The following UBASH3A variants were observed in gnomAD, a reference collection of about 807,000 sequenced individuals.
The protein encoded by UBASH3A is ubiquitin-associated and SH3 domain-containing protein A.
Under a neutral mutation model 73.5 loss-of-function variants are expected in UBASH3A, and 63 were observed. That is an observed-to-expected ratio of 0.86 (90% CI 0.70 to 1.06). The LOEUF (loss-of-function observed/expected upper bound fraction) is 1.06. Ranked by LOEUF, UBASH3A falls within the 50% of genes least tolerant of loss-of-function variation. UBASH3A has a pLI of 0.00. For missense variants in UBASH3A, 860 were observed against 859.0 expected (o/e 1.00, Z -0.02); for synonymous variants, 363 against 351.1 (o/e 1.03, Z -0.38).
intron 3 of UBASH3A, chr21:42,410,143 A>G: frequency 1.4e-6 from 1 of 702,336 alleles, no homozygotes. Context: ...CAGAAAAAAA[A>G]TGGCCCAGTG....
At chr21:42,425,069 T>C (rs1013909758) in intron 7 of UBASH3A, among the ~76,000 whole-genome samples, 10 of 152,152 alleles carry the variant, frequency 6.6e-5, no homozygotes, top group African/African-American at 2.4e-4. Flanking sequence ...GGGACTTTGT[T>C]ATGGCCGCCC....
rs186191509 is a variant in UBASH3A at position 42,405,242 on chromosome 21, G to A, written c.114-1066G>A. Among the ~76,000 whole-genome samples the A allele has an allele frequency of 3.5e-4, 54 of 152,220 alleles. 1 individual carries two copies. The East Asian group carries it at 8.1e-3, about 23-fold the overall frequency. ...GAGTGGGGTCAGGCATGTGCAGGGC[G>A]GCCACCGGGCACCGTCCAGGCATTA... On this transcript the variant is annotated intron_variant, in intron 1 of 14. Transcript: ENST00000319294.
chr21:42,436,821 T>TG (rs11408489), intron 10 of UBASH3A, among the ~76,000 whole-genome samples: 17,642 of 152,234 alleles, frequency 0.12, 1,126 homozygotes, highest in East Asian at 0.19. Flanking sequence ...CGAGCTTCAG[T>TG]GGGTCTTGAG....
intron 2 of UBASH3A, among the ~76,000 whole-genome samples, chr21:42,408,669 T>C (rs1330221482): frequency 6.6e-6 from 1 of 152,168 alleles, no homozygotes; most frequent in East Asian, 1.9e-4. Flanking sequence ...GTCTCGGAGC[T>C]ATTTTATTTC....
In UBASH3A at chr21:42,418,628, T is replaced by C. The variant is rs1437217453; in HGVS notation, c.1046+19T>C. On this transcript the variant is annotated intron_variant, in intron 7 of 14. Transcript: ENST00000319294. ...AGCACAGGTGAGTGCTGCCTCTGGC[T>C]GCAGCCCCGTCATCTCTCTCTGAGT... The C allele has an allele frequency of 6.2e-7, 1 of 1,603,142 alleles. No individual in the cohort carries two copies. Among genetic ancestry groups the C allele is most frequent in the Admixed American group, 1.7e-5 (1 of 59,068 alleles).
chr21:42,407,672 C>T (rs1343980925), intron 2 of UBASH3A, among the ~76,000 whole-genome samples: 1 of 152,232 alleles, frequency 6.6e-6, no homozygotes, highest in Admixed American at 6.5e-5. Flanking sequence ...TCACACGTCA[C>T]TGGTGTCACT....
intron 8 of UBASH3A, among the ~76,000 whole-genome samples, chr21:42,427,835 C>A (rs2053464386): frequency 6.6e-6 from 1 of 152,224 alleles, no homozygotes; most frequent in Non-Finnish European, 1.5e-5. Flanking sequence ...CAAAGGAAGG[C>A]TCTGCCGGGA....
Position 42,408,885 on chromosome 21 carries a change from A to AAATAATATAAAAT in UBASH3A, c.168-532_168-531insTATAAAATAATAA, listed in dbSNP as rs1334974035. The stretch of plus-strand genomic sequence containing the variant: ...GTGACAGAGAAAGACTCCATCTCAA[A>AAATAATATAAAAT]AATAAAATAAAATAAAATAAAATAA... On this transcript the variant is annotated intron_variant, in intron 2 of 14. Transcript: ENST00000319294. 3.4e-3 allele frequency among the ~76,000 whole-genome samples: 152 copies of AAATAATATAAAAT among 45,246 alleles called. 1 individual carries two copies. Among genetic ancestry groups the AAATAATATAAAAT allele is most frequent in the African/African-American group, 9.1e-3 (129 of 14,164 alleles). The allele number at this position is 45,246 out of a possible 152,430, so 29.7% of individuals were successfully genotyped here. A position where few individuals can be genotyped will look rare whatever the true frequency, so the allele number is the denominator to read the frequency against.
intron 7 of UBASH3A, among the ~76,000 whole-genome samples, chr21:42,421,252 T>C (rs2053332997): frequency 6.6e-6 from 1 of 152,172 alleles, no homozygotes; most frequent in Admixed American, 6.5e-5. Flanking sequence ...GTGTCAAGAC[T>C]GATGGTTGGA....
chr21:42,405,599 G>A (rs117372134), intron 1 of UBASH3A, among the ~76,000 whole-genome samples: 12 of 152,322 alleles, frequency 7.9e-5, no homozygotes, highest in East Asian at 7.7e-4. Flanking sequence ...AGCAGCATTC[G>A]GCATCATGTG....
At chr21:42,407,719 A>G (rs746850771) in intron 2 of UBASH3A, among the ~76,000 whole-genome samples, 17 of 152,248 alleles carry the variant, frequency 1.1e-4, no homozygotes, top group Non-Finnish European at 2.2e-4. Context: ...AACCTTGGCA[A>G]TATGCACAGC....
At position 42,424,860 on chromosome 21, in the gene UBASH3A, T is replaced by C. The variant is rs369002231; in HGVS notation, c.1047-1837T>C. 2.0e-5 allele frequency among the ~76,000 whole-genome samples: 3 copies of C among 152,256 alleles called. 1 individual carries two copies. The highest frequency in any genetic ancestry group is 1.9e-4 in the East Asian group (1 of 5,178). On this transcript the variant is annotated intron_variant, in intron 7 of 14. Coordinates refer to ENST00000319294, the MANE Select transcript of UBASH3A (RefSeq NM_018961.4). ...TTAGAGTGGGCCCTGATCCAATATGTCTGGTGTCCTTATAAGAAGAAATGA... is the reference window on the plus strand; with the variant it reads ...TTAGAGTGGGCCCTGATCCAATATGCCTGGTGTCCTTATAAGAAGAAATGA...
intron 1 of UBASH3A, among the ~76,000 whole-genome samples, chr21:42,405,422 C>T (rs1434005052): frequency 1.3e-5 from 2 of 152,154 alleles, no homozygotes; most frequent in Non-Finnish European, 2.9e-5. Flanking sequence ...ATAGCATGGA[C>T]TTCTACTCAA....
chr21:42,415,258 A>G (rs1356746037), intron 5 of UBASH3A, among the ~76,000 whole-genome samples: 1 of 152,252 alleles, frequency 6.6e-6, no homozygotes, highest in East Asian at 1.9e-4. Context: ...CCCAGGCCAC[A>G]CTCACTCGCA....
Position 42,416,621 on chromosome 21 carries a change from C to T in UBASH3A, c.837+10C>T. On this transcript the variant is annotated intron_variant, in intron 6 of 14. Coordinates refer to ENST00000319294, the MANE Select transcript of UBASH3A (RefSeq NM_018961.4). ...CTTTGTGCACTACCAGGTGAGAGAG[C>T]TGAGCAGGGGCTCATAAGAAGCAGA... 6.4e-7 allele frequency: 1 copy of T among 1,552,560 alleles called. No individual in the cohort carries two copies. Among genetic ancestry groups the T allele is most frequent in the Non-Finnish European group, 8.7e-7 (1 of 1,147,900 alleles).
At chr21:42,431,337 G>A (rs777249236) in intron 8 of UBASH3A, among the ~76,000 whole-genome samples, 1 of 152,220 alleles carries the variant, frequency 6.6e-6, no homozygotes, top group Non-Finnish European at 1.5e-5. Context: ...CAAAGCACAG[G>A]CTCCCCAGAA....
At position 42,447,272 on chromosome 21, in the gene UBASH3A, C is replaced by G. The variant is rs1015428713; in HGVS notation, c.*78C>G. 3.4e-6 allele frequency: 5 copies of G among 1,472,980 alleles called. No individual in the cohort carries two copies. The African/African-American group carries it at 5.6e-5, about 17-fold the overall frequency. 91.2% of individuals were successfully genotyped at this position (1,472,980 alleles called of 1,614,324 possible). On this transcript the variant is annotated 3_prime_UTR_variant, in exon 15 of 15. Transcript: ENST00000319294. ...CAGAGGCTGGGAGATGCTGCTGTTT[C>G]CAGAGGCGTCTTAGTCTCACCCAAT...
intron 8 of UBASH3A, among the ~76,000 whole-genome samples, chr21:42,427,754 A>G (rs981845840): frequency 2.6e-5 from 4 of 152,192 alleles, no homozygotes; most frequent in Admixed American, 6.5e-5. Context: ...GGGTGGGGTC[A>G]CAGTAGCCAG....
intron 7 of UBASH3A, among the ~76,000 whole-genome samples, chr21:42,423,027 A>G (rs2053368927): frequency 6.6e-6 from 1 of 152,266 alleles, no homozygotes; most frequent in African/African-American, 2.4e-5. Context: ...TACTCAAAAC[A>G]TAAATTAATC....
Sources: gnomAD v4.1 joint callset for allele counts (sites outside exome capture counted in the v4.1 genomes callset) on GRCh38, gnomAD v4.1.1 for gene constraint, MANE v1.5 for transcripts, NCBI Gene and HGNC (gene_info 2026-07-23, HGNC 2026-07-21) for gene names.